The following ADAMTS17 variants were observed in gnomAD, a reference collection of about 807,000 sequenced individuals.
The protein encoded by ADAMTS17 is ADAM metallopeptidase with thrombospondin type 1 motif 17.
A neutral mutation model predicts 141.5 loss-of-function variants in ADAMTS17; 113 were observed. That is an observed-to-expected ratio of 0.80 (90% CI 0.69 to 0.93). The LOEUF (loss-of-function observed/expected upper bound fraction) is 0.93. Among genes scored for constraint, ADAMTS17 ranks in the 40% least tolerant of loss-of-function variants. The probability of loss-of-function intolerance (pLI) is 0.00; values close to 1 mark genes in which losing one functional copy is unlikely to be tolerated. For synonymous variants in ADAMTS17, 768 were observed against 630.6 expected, an observed-to-expected ratio of 1.22 and a Z score of -3.27; for missense variants, 1,659 against 1,517.9, an observed-to-expected ratio of 1.09 and a Z score of -1.54.
chr15:100,164,867 C>G (rs1156531281), intron 8 of ADAMTS17, among the ~76,000 whole-genome samples: 2 of 152,204 alleles, frequency 1.3e-5, no homozygotes, highest in Non-Finnish European at 2.9e-5. Flanking sequence ...GTGGCTACCC[C>G]CATCCAGGAC....
At chr15:100,274,724 T>C (rs1278634229) in intron 4 of ADAMTS17, among the ~76,000 whole-genome samples, 1 of 152,256 alleles carries the variant, frequency 6.6e-6, no homozygotes, top group African/African-American at 2.4e-5. Flanking sequence ...GTTTCCTATA[T>C]GGCTTGTAAT....
chr15:100,267,252 G>A (rs1291130525), intron 4 of ADAMTS17, among the ~76,000 whole-genome samples: 1 of 151,686 alleles, frequency 6.6e-6, no homozygotes, highest in African/African-American at 2.4e-5. Flanking sequence ...GTGTTTTTGT[G>A]TCACTTGGCA....
At chr15:100,100,886 C>T (rs552804894) in intron 14 of ADAMTS17, among the ~76,000 whole-genome samples, 23 of 152,248 alleles carry the variant, frequency 1.5e-4, no homozygotes, top group Admixed American at 1.4e-3. Context: ...TCCTCCCCCA[C>T]TCCAGATGCA....
At chr15:100,140,216 A>C (rs1365506395) in intron 10 of ADAMTS17, among the ~76,000 whole-genome samples, 2 of 151,896 alleles carry the variant, frequency 1.3e-5, no homozygotes. Flanking sequence ...GGCTGGTCTC[A>C]AACCCCTAAC....
chr15:100,288,973 G>T (rs2044539846), intron 3 of ADAMTS17, among the ~76,000 whole-genome samples: 2 of 152,098 alleles, frequency 1.3e-5, no homozygotes, highest in Non-Finnish European at 2.9e-5. Flanking sequence ...CAACCTCAAT[G>T]CTAGCAGAAG....
At chr15:100,211,132 AAATAAAT>A (rs1567361289) in intron 7 of ADAMTS17, among the ~76,000 whole-genome samples, 35 of 149,496 alleles carry the variant, frequency 2.3e-4, no homozygotes, top group African/African-American at 7.3e-4. Context: ...ATAAATAAAT[AAATAAAT>A]AAAAATACAA....
chr15:100,220,417 T>C (rs1196204266), intron 7 of ADAMTS17, among the ~76,000 whole-genome samples: 1 of 152,152 alleles, frequency 6.6e-6, no homozygotes, highest in African/African-American at 2.4e-5. Flanking sequence ...CACAGAAAAG[T>C]AGAAATAACA....
At chr15:100,316,316 C>T (rs74037834) in intron 3 of ADAMTS17, among the ~76,000 whole-genome samples, 139 of 152,290 alleles carry the variant, frequency 9.1e-4, no homozygotes, top group African/African-American at 3.1e-3. Context: ...TACAGGTTTT[C>T]TTGCCTAGAA....
chr15:100,164,761 G>A lies in ADAMTS17; in HGVS notation c.1182-9441C>T, dbSNP rs573162717. 2.6e-5 allele frequency among the ~76,000 whole-genome samples: 4 copies of A among 152,270 alleles called. No homozygotes were observed. The South Asian group carries it at 6.2e-4, about 24-fold the overall frequency. On this transcript the variant is annotated intron_variant, in intron 8 of 21. Transcript: ENST00000268070. ...CCGTTCTTTCTCTGCAATGAGCTAA[G>A]AGAACAACACGTCTGTTCTAGCAGA...
intron 3 of ADAMTS17, among the ~76,000 whole-genome samples, chr15:100,291,535 T>C (rs916132367): frequency 1.4e-4 from 22 of 152,190 alleles, no homozygotes; most frequent in African/African-American, 5.1e-4. Flanking sequence ...GGATGACCCA[T>C]GCACGTGTAT....
At chr15:99,994,418 G>T (rs1337813688) in intron 19 of ADAMTS17, among the ~76,000 whole-genome samples, 1 of 144,908 alleles carries the variant, frequency 6.9e-6, no homozygotes, top group Non-Finnish European at 1.5e-5. Flanking sequence ...AGGAGTTCAA[G>T]ACCAGCCTGG....
chr15:100,165,957 T>C (rs1252751583), intron 8 of ADAMTS17, among the ~76,000 whole-genome samples: 4 of 152,164 alleles, frequency 2.6e-5, no homozygotes, highest in African/African-American at 9.7e-5. Context: ...GATTTTAGCT[T>C]GTCAAATTCT....
rs2141254351 is a variant in ADAMTS17 at position 99,974,339 on chromosome 15, G to C, written c.*63C>G. The stretch of plus-strand genomic sequence containing the variant: ...TGGGGGCGTGGCCACAAGGCTGGTA[G>C]GCTTGCGGGTGGGTGGGTTTCAGAC... On this transcript the variant is annotated 3_prime_UTR_variant, in exon 22 of 22. Transcript: ENST00000268070. 1 of 1,609,064 alleles carries C rather than the reference G, an allele frequency of 6.2e-7. No homozygotes were observed. Among genetic ancestry groups the C allele is most frequent in the Non-Finnish European group, 8.5e-7 (1 of 1,177,796 alleles).
At chr15:100,049,209 T>G (rs934863982) in intron 17 of ADAMTS17, among the ~76,000 whole-genome samples, 3 of 152,276 alleles carry the variant, frequency 2.0e-5, no homozygotes, top group Middle Eastern at 3.4e-3. Context: ...CCCTGGAAGA[T>G]TCTAGAACAA....
Position 100,093,582 on chromosome 15 carries a change from A to T in ADAMTS17, c.2137+2774T>A, listed in dbSNP as rs534632193. Among the ~76,000 whole-genome samples, 203 of 151,944 alleles carry T rather than the reference A, an allele frequency of 1.3e-3. 1 individual carries two copies. Among genetic ancestry groups the T allele is most frequent in the African/African-American group, 4.8e-3 (198 of 41,406 alleles). ...GATTTCCATGCTGGGTCTCGCAAGG[A>T]TATGTTTCCCCTTCAGCCTGAAGTG... On this transcript the variant is annotated intron_variant, in intron 15 of 21. Transcript: ENST00000268070.
chr15:100,338,599 ATTT>A (rs2046274782), intron 2 of ADAMTS17, among the ~76,000 whole-genome samples: 2 of 149,472 alleles, frequency 1.3e-5, no homozygotes, highest in South Asian at 2.2e-4. Context: ...TAAACTATTT[ATTT>A]TCTGGTCCTT....
At chr15:99,977,391 TATATATATA>T (rs2060379629) in intron 20 of ADAMTS17, among the ~76,000 whole-genome samples, 4 of 10,446 alleles carry the variant, frequency 3.8e-4, no homozygotes, top group Non-Finnish European at 5.9e-4. Flanking sequence ...TATATATATA[TATATATATA>T]ATTTTTTTTT....
chr15:100,293,460 C>A lies in ADAMTS17; in HGVS notation c.617-12059G>T, dbSNP rs1449154590. Among the ~76,000 whole-genome samples, 3 of 152,054 alleles carry A rather than the reference C, an allele frequency of 2.0e-5. No homozygotes were observed. The East Asian group carries it at 5.8e-4, about 29-fold the overall frequency. ...TGGAGATAATGCTTTTTTTTCTGTACCTGCCCCATCAAAAACAAATTCAAA... is the reference window on the plus strand; with the variant it reads ...TGGAGATAATGCTTTTTTTTCTGTAACTGCCCCATCAAAAACAAATTCAAA... On this transcript the variant is annotated intron_variant, in intron 3 of 21. Transcript: ENST00000268070.
At chr15:100,304,195 C>T (rs573266434) in intron 3 of ADAMTS17, among the ~76,000 whole-genome samples, 2 of 152,256 alleles carry the variant, frequency 1.3e-5, no homozygotes, top group East Asian at 3.9e-4. Context: ...TGCCTGTACT[C>T]TTGAACAACA....
Sources: allele counts gnomAD v4.1 joint callset (sites outside exome capture counted in the v4.1 genomes callset), GRCh38; gene constraint gnomAD v4.1.1; transcripts MANE v1.5; gene names NCBI Gene and HGNC (gene_info 2026-07-23, HGNC 2026-07-21).